The following NFRKB variants were observed in gnomAD, a reference collection of about 807,000 sequenced individuals.
The protein encoded by NFRKB is nuclear factor related to kappa-B-binding protein.
A neutral mutation model predicts 135.7 loss-of-function variants in NFRKB; 62 were observed. The observed-to-expected ratio is 0.46, with a 90% CI of 0.37 to 0.56. The LOEUF is 0.56. Among genes scored for constraint, NFRKB ranks in the 20% least tolerant of loss-of-function variants. NFRKB has a pLI of 0.00. For missense variants in NFRKB, 1,545 were observed against 1,662.0 expected (o/e 0.93, Z 1.22); for synonymous variants, 678 against 635.6 (o/e 1.07, Z -1.00).
chr11:129,884,522 CT>C (rs1454557522), intron 7 of NFRKB, among the ~76,000 whole-genome samples: 16 of 152,210 alleles, frequency 1.1e-4, no homozygotes, highest in African/African-American at 3.9e-4. Flanking sequence ...AAAATATCAG[CT>C]TCTGAGAAAA....
intron 5 of NFRKB, among the ~76,000 whole-genome samples, chr11:129,886,027 C>T (rs1284606610): frequency 6.6e-6 from 1 of 152,154 alleles, no homozygotes; most frequent in African/African-American, 2.4e-5. Context: ...TCCTCGTTTC[C>T]CTTAATAACC....
chr11:129,864,619 G>C lies in NFRKB; in HGVS notation c.*106C>G, dbSNP rs550182657. 8.5e-5 allele frequency: 128 copies of C among 1,504,692 alleles called. No individual in the cohort carries two copies. The highest frequency in any genetic ancestry group is 1.1e-4 in the Non-Finnish European group (120 of 1,104,576). 93.2% of individuals were successfully genotyped at this position (1,504,692 alleles called of 1,614,324 possible). On this transcript the variant is annotated 3_prime_UTR_variant, in exon 27 of 27. Coordinates refer to ENST00000682444, the MANE Select transcript of NFRKB (RefSeq NM_001143835.2). ...CACCGTTGCCATCACCCCTCGCCTG[G>C]CTGCCTTGAACAGGCAAGCTTAAAA...
intron 24 of NFRKB, among the ~76,000 whole-genome samples, chr11:129,868,480 G>T (rs1948317977): frequency 6.6e-6 from 1 of 152,200 alleles, no homozygotes; most frequent in Non-Finnish European, 1.5e-5. Context: ...GTGCTGATGG[G>T]GCACATGTGG....
intron 4 of NFRKB, among the ~76,000 whole-genome samples, chr11:129,888,031 T>C (rs1031772174): frequency 1.3e-5 from 2 of 152,112 alleles, no homozygotes; most frequent in African/African-American, 4.8e-5. Context: ...AGCGAGACTC[T>C]GTCCCAAAGA....
At chr11:129,878,593 T>C (rs1372455784) in intron 13 of NFRKB, 50 bp from the exon 14 acceptor site, 1 of 1,439,072 alleles carries the variant, frequency 6.9e-7, no homozygotes, top group Non-Finnish European at 9.7e-7. Flanking sequence ...AAGGTATTAT[T>C]GAGAATCCTG....
At chr11:129,878,253 A>G in intron 15 of NFRKB, 56 bp downstream of exon 15, 1 of 1,562,826 alleles carries the variant, frequency 6.4e-7, no homozygotes. Flanking sequence ...AAACCAAGGC[A>G]GTATCTGAAC....
At chr11:129,885,295 G>A (rs553281529) in intron 6 of NFRKB, 140 bp downstream of exon 6, 6 of 925,440 alleles carry the variant, frequency 6.5e-6, no homozygotes, top group Admixed American at 3.0e-5. Flanking sequence ...GGCCTTCTGA[G>A]TCCCGCTATG....
At chr11:129,877,852 G>C (rs768321302) in intron 15 of NFRKB, among the ~76,000 whole-genome samples, 1 of 152,070 alleles carries the variant, frequency 6.6e-6, no homozygotes, top group Non-Finnish European at 1.5e-5. Flanking sequence ...GAAAACTACC[G>C]AACCATGCCA....
In NFRKB at chr11:129,863,701, A is replaced by G. The variant is rs1027574711; in HGVS notation, c.*1024T>C. 3 of 152,708 alleles carry G rather than the reference A, an allele frequency of 2.0e-5. No homozygotes were observed. The highest frequency in any genetic ancestry group is 7.2e-5 in the African/African-American group (3 of 41,474). 9.5% of individuals were successfully genotyped at this position (152,708 alleles called of 1,614,324 possible). ...AATACTTTAGGCTTCAGGGCCATCC[A>G]GTCTCTATGTCAACTACTCAATTCT... On this transcript the variant is annotated 3_prime_UTR_variant, in exon 27 of 27. Transcript: ENST00000682444.
chr11:129,884,046 G>A (rs374063961), intron 8 of NFRKB, 24 bp downstream of exon 8: 45 of 1,613,130 alleles, frequency 2.8e-5, no homozygotes, highest in Middle Eastern at 1.6e-4. Context: ...AAAACCACAC[G>A]GCCGCACGCC....
intron 23 of NFRKB, among the ~76,000 whole-genome samples, chr11:129,871,956 A>G (rs954561583): frequency 6.6e-6 from 1 of 152,188 alleles, no homozygotes; most frequent in Non-Finnish European, 1.5e-5. Flanking sequence ...CTCCAGCCAC[A>G]ATGATTTTCC....
chr11:129,893,879 A>G (rs1949667459), intron 2 of NFRKB: 1 of 152,366 alleles, frequency 6.6e-6, no homozygotes, highest in Admixed American at 6.5e-5. Context: ...TACCTCTTGT[A>G]TAACCTCGCA....
chr11:129,884,804 C>G lies in NFRKB; in HGVS notation c.683G>C (p.Ser228Thr). Residue 228 changes from serine (S) to threonine (T), a missense_variant, in exon 7 of 27, where the codon AGT becomes ACT. Ser to Thr is a moderately conservative substitution (Grantham distance 58). Coordinates refer to ENST00000682444, the MANE Select transcript of NFRKB (RefSeq NM_001143835.2). ...CACCACCCGCAGGGGCACCGCAGGA[C>G]TAGGAGAACGTGCTGGAGAGCTCGG... ...WLPSSPARSPSPAVPLRVVPT... is the reference protein window; with the variant it reads ...WLPSSPARSPTPAVPLRVVPT... The G allele has an allele frequency of 6.2e-7, 1 of 1,614,200 alleles. No individual in the cohort carries two copies. Among genetic ancestry groups the G allele is most frequent in the East Asian group, 2.2e-5 (1 of 44,876 alleles).
intron 17 of NFRKB, among the ~76,000 whole-genome samples, chr11:129,876,490 T>C (rs1208630188): frequency 2.6e-5 from 4 of 152,102 alleles, no homozygotes; most frequent in African/African-American, 9.7e-5. Context: ...ATTTAGCTGG[T>C]CTGGGAGCAA....
chr11:129,869,139 G>A (rs112297775), intron 24 of NFRKB, among the ~76,000 whole-genome samples: 15 of 152,290 alleles, frequency 9.8e-5, no homozygotes, highest in African/African-American at 2.4e-4. Flanking sequence ...GATAAATGCC[G>A]AACTACCAAC....
At chr11:129,888,123 G>C (rs1304659818) in intron 4 of NFRKB, among the ~76,000 whole-genome samples, 1 of 152,172 alleles carries the variant, frequency 6.6e-6, no homozygotes, top group Non-Finnish European at 1.5e-5. Flanking sequence ...TAACAGGGCG[G>C]TGATGATATG....
At chr11:129,895,231 C>T (rs1301829054) in intron 1 of NFRKB, among the ~76,000 whole-genome samples, 1 of 152,202 alleles carries the variant, frequency 6.6e-6, no homozygotes, top group African/African-American at 2.4e-5. Flanking sequence ...AAGCCCTCAA[C>T]TCTGCAGCAA....
rs763208740 is a variant in NFRKB, at chr11:129,873,852, C to G, written c.2443G>C (p.Ala815Pro). 1.1e-4 allele frequency: 175 copies of G among 1,614,040 alleles called. No homozygotes were observed. The highest frequency in any genetic ancestry group is 1.4e-4 in the Non-Finnish European group (168 of 1,180,038). The part of the protein sequence containing the change: ...VRVVAQPSLP[A>P]VPQQSGGPAQ... Reference sequence around the variant, plus strand: ...GGCCCTCCCGACTGCTGGGGAACAGCAGGAAGGCTAGGCTGGGCCACCACT... The same window carrying G: ...GGCCCTCCCGACTGCTGGGGAACAGGAGGAAGGCTAGGCTGGGCCACCACT... Residue 815 changes from alanine (A) to proline (P), a missense_variant, in exon 22 of 27, where the codon GCT (alanine) becomes CCT (proline). This residue lies in a region of NFRKB where 753 missense variants were observed against 804.3 expected (regional missense o/e 0.94). Transcript: ENST00000682444.
At chr11:129,876,634 G>A (rs903880497) in intron 17 of NFRKB, 87 bp downstream of exon 17, 1 of 1,460,514 alleles carries the variant, frequency 6.8e-7, no homozygotes, top group African/African-American at 1.4e-5. Context: ...GGGTGGAGGG[G>A]TAAGGAGAGG....
Sources: gnomAD v4.1 joint callset for allele counts (sites outside exome capture counted in the v4.1 genomes callset) on GRCh38, gnomAD v4.1.1 for gene constraint, gnomAD v4.1.1 regional missense constraint, MANE v1.5 for transcripts, NCBI Gene and HGNC (gene_info 2026-07-23, HGNC 2026-07-21) for gene names.